The following NUP210 variants were observed in gnomAD, a reference collection of about 807,000 sequenced individuals.
NUP210 encodes nucleoporin 210.
Under a neutral mutation model 196.0 loss-of-function variants are expected in NUP210, and 151 were observed. The observed-to-expected ratio is 0.77, with a 90% CI of 0.67 to 0.88. NUP210 has a LOEUF of 0.88. NUP210 is among the 40% of genes least tolerant of loss of function. The probability of loss-of-function intolerance (pLI) is 0.00; values close to 1 mark genes in which losing one functional copy is unlikely to be tolerated. For synonymous variants in NUP210, 1,070 were observed against 1,052.7 expected (o/e 1.02, Z -0.32); for missense variants, 2,314 against 2,493.7 (o/e 0.93, Z 1.53).
chr3:13,403,549 G>A (rs901912458), intron 1 of NUP210, among the ~76,000 whole-genome samples: 3 of 152,196 alleles, frequency 2.0e-5, no homozygotes, highest in African/African-American at 4.8e-5. Context: ...ACAGACATTC[G>A]TTCACGTGGT....
chr3:13,379,234 T>TG lies in NUP210; in HGVS notation c.977-255dup, dbSNP rs902237737. ...ACCGCACAGGACACAACAACAAGTC[T>TG]GGGGCATCAACACTCCATTATGCTA... On this transcript the variant is annotated intron_variant, in intron 7 of 39. Coordinates refer to ENST00000254508, the MANE Select transcript of NUP210 (RefSeq NM_024923.4). The surrounding 1 kb of genome is among the most constrained non-coding windows in gnomAD (Gnocchi z 4.2). Among the ~76,000 whole-genome samples, 4 of 152,128 alleles carry TG rather than the reference T, an allele frequency of 2.6e-5. No homozygotes were observed. The highest frequency in any genetic ancestry group is 7.2e-5 in the African/African-American group (3 of 41,420).
intron 4 of NUP210, among the ~76,000 whole-genome samples, chr3:13,389,015 G>A (rs996316852): frequency 1.3e-5 from 2 of 152,250 alleles, no homozygotes; most frequent in African/African-American, 4.8e-5. Context: ...GGTGTAGCCT[G>A]GAGTGTGGGC....
At chr3:13,376,730 G>C (rs1404226597) in intron 9 of NUP210, among the ~76,000 whole-genome samples, 2 of 152,124 alleles carry the variant, frequency 1.3e-5, no homozygotes, top group Non-Finnish European at 2.9e-5. Context: ...GTCTCAAGAA[G>C]GAACCAGTAA....
chr3:13,341,854 G>A lies in NUP210; in HGVS notation c.3122C>T (p.Thr1041Ile). 3 of 1,614,196 alleles carry A rather than the reference G, an allele frequency of 1.9e-6. No individual in the cohort carries two copies. The highest frequency in any genetic ancestry group is 2.5e-6 in the Non-Finnish European group (3 of 1,180,036). ...CACACCGCGGATGAGGAATGTGATG[G>A]TGTAGTTGTCAAGGGCTTCATCAAG... ...VALDEALDNY[T>I]ITFLIRGVAI... Residue 1041 changes from threonine to isoleucine, a missense_variant, in exon 23 of 40, where the codon ACC becomes ATC. Coordinates refer to ENST00000254508, the MANE Select transcript of NUP210 (RefSeq NM_024923.4).
intron 1 of NUP210, among the ~76,000 whole-genome samples, chr3:13,401,370 T>G (rs1699834817): frequency 1.3e-5 from 2 of 150,924 alleles, no homozygotes; most frequent in African/African-American, 2.4e-5. Context: ...ACAAGGCCCC[T>G]TCCAACACAC....
At chr3:13,383,135 A>G (rs931626062) in intron 6 of NUP210, among the ~76,000 whole-genome samples, 3 of 151,832 alleles carry the variant, frequency 2.0e-5, no homozygotes, top group Non-Finnish European at 4.4e-5. Context: ...ACAAAGCAAG[A>G]CTCTCTCTCA....
At chr3:13,400,843 C>A (rs1179584583) in intron 1 of NUP210, among the ~76,000 whole-genome samples, 1 of 152,220 alleles carries the variant, frequency 6.6e-6, no homozygotes, top group African/African-American at 2.4e-5. Flanking sequence ...GCACAGCACC[C>A]GACACAGAGC....
At chr3:13,344,837 CT>C (rs1367302087) in intron 20 of NUP210, 41 of 776,834 alleles carry the variant, frequency 5.3e-5, no homozygotes, top group Non-Finnish European at 6.3e-5. Context: ...CCTTAAAGAC[CT>C]GGACTCTTTC....
chr3:13,331,042 A>G (rs1345423114), intron 29 of NUP210, among the ~76,000 whole-genome samples: 1 of 152,176 alleles, frequency 6.6e-6, no homozygotes, highest in Non-Finnish European at 1.5e-5. Flanking sequence ...TGGGGCTTTG[A>G]GTCCGACAGA....
chr3:13,330,284 A>G lies in NUP210; in HGVS notation c.4110+176T>C, dbSNP rs149324462. ...TTCCCAAGGATCTTCGGCTCTGATG[A>G]CCAGAAGATGCTGTAGCTTTTTATC... On this transcript the variant is annotated intron_variant, in intron 30 of 39. Transcript: ENST00000254508. 5.6e-3 allele frequency among the ~76,000 whole-genome samples: 850 copies of G among 152,332 alleles called. 5 individuals carry two copies. Among genetic ancestry groups the G allele is most frequent in the Admixed American group, 0.013 (200 of 15,300 alleles).
chr3:13,410,025 T>TC (rs1172721521), intron 1 of NUP210, among the ~76,000 whole-genome samples: 3 of 150,608 alleles, frequency 2.0e-5, no homozygotes, highest in African/African-American at 7.3e-5. Context: ...GCTAATTTTT[T>TC]TTTTTTTTTT....
At chr3:13,336,096 G>A (rs1165974218) in intron 27 of NUP210, among the ~76,000 whole-genome samples, 1 of 152,222 alleles carries the variant, frequency 6.6e-6, no homozygotes, top group Non-Finnish European at 1.5e-5. Flanking sequence ...GGGTCGGGGG[G>A]CATTCGTCCC....
At chr3:13,345,083 A>T in intron 20 of NUP210, 1 of 985,448 alleles carries the variant, frequency 1.0e-6, no homozygotes, top group Non-Finnish European at 1.2e-6. Context: ...CATCTGGTAC[A>T]GCCTAGCCTC....
In NUP210 at chr3:13,349,460, C is replaced by T. The variant is rs144685919; in HGVS notation, c.2835+2419G>A. Among the ~76,000 whole-genome samples, 354 of 152,284 alleles carry T rather than the reference C, an allele frequency of 2.3e-3. 2 individuals are homozygous for T. Among genetic ancestry groups the T allele is most frequent in the Non-Finnish European group, 1.7e-3 (116 of 68,014 alleles). On this transcript the variant is annotated intron_variant, in intron 20 of 39. Coordinates refer to ENST00000254508, the MANE Select transcript of NUP210 (RefSeq NM_024923.4). ...GAGGCTCTGCCTTGGGTGCGGCACC[C>T]GTGAGAATACTGGGGCCCGGCTGCC...
At chr3:13,368,571 A>G (rs1240105081) in intron 13 of NUP210, among the ~76,000 whole-genome samples, 3 of 152,216 alleles carry the variant, frequency 2.0e-5, no homozygotes. Context: ...CACCCAATAT[A>G]CAGTAACTTC....
intron 13 of NUP210, 57 bp downstream of exon 13, chr3:13,371,777 C>T (rs1698738861): frequency 1.3e-6 from 2 of 1,501,532 alleles, no homozygotes; most frequent in South Asian, 1.2e-5. Context: ...TGCTGAGAAC[C>T]CAGACAATCT....
In NUP210 at chr3:13,317,453, T is replaced by C. The variant is rs1017336413; in HGVS notation, c.*228A>G. 5.4e-6 allele frequency: 3 copies of C among 552,158 alleles called. No individual in the cohort carries two copies. The highest frequency in any genetic ancestry group is 9.7e-6 in the Non-Finnish European group (3 of 309,064). The allele number at this position is 552,158 out of a possible 1,614,324, so 34.2% of individuals were successfully genotyped here. A position where few individuals can be genotyped will look rare whatever the true frequency, so the allele number is the denominator to read the frequency against. On this transcript the variant is annotated 3_prime_UTR_variant, in exon 40 of 40. Transcript: ENST00000254508. ...AGGAATGAGCCAAAAAGTCTTAGCT[T>C]TGTAAGACTTGAAAGGAAAAAAACA...
chr3:13,406,224 C>T (rs893215063), intron 1 of NUP210, among the ~76,000 whole-genome samples: 9 of 152,166 alleles, frequency 5.9e-5, no homozygotes, highest in African/African-American at 9.7e-5. Flanking sequence ...GCCAGCCATG[C>T]CTTCCCTCTG....
chr3:13,411,863 C>G (rs888555092), intron 1 of NUP210, among the ~76,000 whole-genome samples: 6 of 152,210 alleles, frequency 3.9e-5, no homozygotes, highest in Non-Finnish European at 5.9e-5. Flanking sequence ...GCCTCAGCCT[C>G]CCAGGTAGCT....
Sources: allele counts gnomAD v4.1 joint callset (sites outside exome capture counted in the v4.1 genomes callset), GRCh38; gene constraint gnomAD v4.1.1; non-coding constraint Gnocchi (gnomAD v3.1); transcripts MANE v1.5; gene names NCBI Gene and HGNC (gene_info 2026-07-23, HGNC 2026-07-21).